CYP19A1: variants seen among roughly 807,000 people sequenced by gnomAD.
CYP19A1 encodes the protein cytochrome P450 family 19 subfamily A member 1.
Under a neutral mutation model 44.4 loss-of-function variants are expected in CYP19A1, and 32 were observed. The observed-to-expected ratio is 0.72, with a 90% CI of 0.54 to 0.97. The LOEUF is 0.97. Among genes scored for constraint, CYP19A1 ranks in the 50% least tolerant of loss-of-function variants. The pLI, the probability that CYP19A1 is intolerant of heterozygous loss-of-function variation, is 0.00. For missense variants in CYP19A1, 598 were observed against 637.8 expected, an observed-to-expected ratio of 0.94 and a Z score of 0.67; for synonymous variants, 212 against 215.6, an observed-to-expected ratio of 0.98 and a Z score of 0.14.
intron 1 of CYP19A1, among the ~76,000 whole-genome samples, chr15:51,297,817 GACACACACACACACACACAC>G (rs1159870053): frequency 3.8e-4 from 42 of 111,790 alleles, no homozygotes; most frequent in Admixed American, 1.3e-3. Context: ...CTGTAGGCAT[GACACACACACACACACACAC>G]ACACACACAC....
chr15:51,276,379 G>A (rs138816206), intron 1 of CYP19A1, among the ~76,000 whole-genome samples: 127 of 152,280 alleles, frequency 8.3e-4, no homozygotes, highest in Non-Finnish European at 1.4e-3. Flanking sequence ...ACAGTGACTC[G>A]ATTTGCAAAG....
At chr15:51,281,461 A>C (rs1287946239) in intron 1 of CYP19A1, among the ~76,000 whole-genome samples, 1 of 152,216 alleles carries the variant, frequency 6.6e-6, no homozygotes, top group Non-Finnish European at 1.5e-5. Context: ...GAGCCAGAGC[A>C]CTGCGGGCAG....
At chr15:51,232,005 A>G (rs1284108988) in intron 3 of CYP19A1, among the ~76,000 whole-genome samples, 1 of 151,974 alleles carries the variant, frequency 6.6e-6, no homozygotes, top group Non-Finnish European at 1.5e-5. Flanking sequence ...TCCATCAACA[A>G]TCATTTGATT....
intron 1 of CYP19A1, among the ~76,000 whole-genome samples, chr15:51,258,932 C>T (rs530938038): frequency 1.3e-4 from 20 of 152,136 alleles, no homozygotes; most frequent in Non-Finnish European, 1.8e-4. Context: ...ATGACACATT[C>T]GACAAAAGCT....
intron 3 of CYP19A1, among the ~76,000 whole-genome samples, chr15:51,230,069 C>A (rs2032908985): frequency 6.6e-6 from 1 of 152,246 alleles, no homozygotes. Flanking sequence ...AGGGACAAAG[C>A]TAATCAGGCC....
chr15:51,309,316 C>A (rs763686214), intron 1 of CYP19A1, among the ~76,000 whole-genome samples: 5 of 152,116 alleles, frequency 3.3e-5, no homozygotes, highest in African/African-American at 4.8e-5. Flanking sequence ...GCCTCCAGAA[C>A]AATGAGAAAT....
Position 51,212,557 on chromosome 15 carries a change from C to T in CYP19A1, c.1026G>A (p.Glu342=), listed in dbSNP as rs2031128011. The part of the protein sequence containing the change: ...IIKEIQTVIG[E]RDIKIDDIQK... ...GTATATCATCAATCTTTATGTCTCT[C>T]TCACCTGTGGAAACAGATAAAAGGA... The change falls in exon 9 of 10, where the codon GAG becomes GAA. Residue 342 remains glutamate, a synonymous_variant. Coordinates refer to ENST00000396402, the MANE Select transcript of CYP19A1 (RefSeq NM_000103.4). 1.4e-6 allele frequency: 2 copies of T among 1,479,980 alleles called. No homozygotes were observed. The highest frequency in any genetic ancestry group is 1.9e-6 in the Non-Finnish European group (2 of 1,057,566). 91.7% of individuals were successfully genotyped at this position (1,479,980 alleles called of 1,614,324 possible).
In CYP19A1 at chr15:51,216,044, G is replaced by A. The variant is rs574126571; in HGVS notation, c.744-227C>T. On this transcript the variant is annotated intron_variant, in intron 6 of 9. Transcript: ENST00000396402. ...TAGCTAAGATTTCTGGATACTGGTA[G>A]CGAAATCAAGCCTGTGACTTCTAGT... 1,100 of 799,516 alleles carry A rather than the reference G, an allele frequency of 1.4e-3. 2 individuals carry two copies. Among genetic ancestry groups the A allele is most frequent in the Admixed American group, 3.4e-3 (109 of 31,860 alleles). 49.5% of individuals were successfully genotyped at this position (799,516 alleles called of 1,614,324 possible).
At chr15:51,308,634 G>T (rs1263825725) in intron 1 of CYP19A1, among the ~76,000 whole-genome samples, 1 of 152,054 alleles carries the variant, frequency 6.6e-6, no homozygotes, top group Admixed American at 6.5e-5. Flanking sequence ...GGCTCTAGTG[G>T]TATGAAGAGG....
At chr15:51,321,303 C>T (rs2036523831) in intron 1 of CYP19A1, among the ~76,000 whole-genome samples, 1 of 152,154 alleles carries the variant, frequency 6.6e-6, no homozygotes, top group Admixed American at 6.5e-5. Flanking sequence ...CCCACCATGC[C>T]CCTAGATCCC....
intron 1 of CYP19A1, among the ~76,000 whole-genome samples, chr15:51,248,624 G>A (rs1471891932): frequency 6.6e-6 from 1 of 152,094 alleles, no homozygotes; most frequent in East Asian, 1.9e-4. Flanking sequence ...TCTCCTTCTA[G>A]AAGGTGAATT....
rs1037431482 is a variant in CYP19A1 at position 51,211,036 on chromosome 15, C to T, written c.1284G>A (p.Gln428=). 5.7e-6 allele frequency: 9 copies of T among 1,588,582 alleles called. No homozygotes were observed. Among genetic ancestry groups the T allele is most frequent in the Non-Finnish European group, 7.8e-6 (9 of 1,156,856 alleles). ...FAKNVPYRYF[Q]PFGFGPRGCA... Reference sequence around the variant, plus strand: ...AGCCACGGGGCCCAAAGCCAAATGGCTGAAAGTACCTATAAGGAACCTATG... The same window carrying T: ...AGCCACGGGGCCCAAAGCCAAATGGTTGAAAGTACCTATAAGGAACCTATG... Residue 428 remains glutamine (Q), a synonymous_variant, in exon 10 of 10, where the codon CAG becomes CAA. Transcript: ENST00000396402.
intron 4 of CYP19A1, among the ~76,000 whole-genome samples, chr15:51,227,328 C>T (rs560311460): frequency 2.0e-5 from 3 of 152,158 alleles, no homozygotes; most frequent in East Asian, 3.9e-4. Context: ...AGAGTAAAGG[C>T]ATAATGAATG....
chr15:51,293,776 C>T (rs1040995502), intron 1 of CYP19A1: 6 of 164,958 alleles, frequency 3.6e-5, no homozygotes, highest in Admixed American at 1.9e-4. Context: ...CCGGGCTGGT[C>T]TCCAGCTCCT....
intron 1 of CYP19A1, among the ~76,000 whole-genome samples, chr15:51,330,940 A>C (rs569005266): frequency 6.6e-6 from 1 of 152,298 alleles, no homozygotes; most frequent in Non-Finnish European, 1.5e-5. Flanking sequence ...GTGGGAGAAG[A>C]AGCTACATGG....
chr15:51,230,617 CTTTT>C (rs35011672), intron 3 of CYP19A1, among the ~76,000 whole-genome samples: 1 of 126,514 alleles, frequency 7.9e-6, no homozygotes, highest in Non-Finnish European at 1.6e-5. Context: ...TTGGTGCCTT[CTTTT>C]TTTTTTTTTT....
chr15:51,257,248 C>G (rs1310063871), intron 1 of CYP19A1, among the ~76,000 whole-genome samples: 1 of 152,220 alleles, frequency 6.6e-6, no homozygotes, highest in African/African-American at 2.4e-5. Flanking sequence ...ATCCACTTTA[C>G]AGATGTGGCT....
chr15:51,275,224 C>T (rs2035264534), intron 1 of CYP19A1, among the ~76,000 whole-genome samples: 1 of 152,242 alleles, frequency 6.6e-6, no homozygotes, highest in Non-Finnish European at 1.5e-5. Flanking sequence ...GGTGCCATGG[C>T]CTGTGGCCAC....
rs28757170 is a variant in CYP19A1, at chr15:51,237,790, G to C, written c.146-781C>G. 4.2e-3 allele frequency among the ~76,000 whole-genome samples: 646 copies of C among 152,272 alleles called. 3 individuals are homozygous for C. The highest frequency in any genetic ancestry group is 7.6e-3 in the Non-Finnish European group (516 of 68,018). ...CGTCCAGGGAACAACTGGGGAATTT[G>C]GTGCTGCTTATATCAGAGAACAACC... On this transcript the variant is annotated intron_variant, in intron 2 of 9. Transcript: ENST00000396402.
Sources: allele counts gnomAD v4.1 joint callset (sites outside exome capture counted in the v4.1 genomes callset), GRCh38; gene constraint gnomAD v4.1.1; transcripts MANE v1.5; gene names NCBI Gene and HGNC (gene_info 2026-07-23, HGNC 2026-07-21).